The following LUZP1 variants were observed in gnomAD, a reference collection of about 807,000 sequenced individuals.
LUZP1 encodes the protein leucine zipper protein 1.
LUZP1 carries 25 observed loss-of-function variants against 71.3 expected under a neutral mutation model. The observed-to-expected ratio is 0.35, with a 90% CI of 0.26 to 0.49. The LOEUF is 0.49. LUZP1 is among the 20% of genes least tolerant of loss of function. LUZP1 has a pLI of 0.99. For missense variants in LUZP1, 1,142 were observed against 1,300.8 expected (o/e 0.88, Z 1.88); for synonymous variants, 481 against 506.4 (o/e 0.95, Z 0.67).
At chr1:23,131,020 C>G (rs1412542610) in intron 2 of LUZP1, among the ~76,000 whole-genome samples, 1 of 151,800 alleles carries the variant, frequency 6.6e-6, no homozygotes, top group Non-Finnish European at 1.5e-5. Flanking sequence ...GAGTTTGAGG[C>G]CAGCCTGGGC....
chr1:23,121,055 G>A (rs1644125780), intron 2 of LUZP1, among the ~76,000 whole-genome samples: 1 of 152,022 alleles, frequency 6.6e-6, no homozygotes, highest in Non-Finnish European at 1.5e-5. Flanking sequence ...ACCAGCCCAG[G>A]GAGAAAAATC....
rs1225155907 is a variant in LUZP1, at chr1:23,139,019, AATATATAT to A, written c.-226+29739_-226+29746del. On this transcript the variant is annotated intron_variant, in intron 2 of 4. Coordinates refer to ENST00000302291, the Ensembl canonical transcript of LUZP1. ...TCTCAAAAAAAAAAAAAAAAAAAAA[AATATATAT>A]ATATATATATATATATATACACACA... Among the ~76,000 whole-genome samples the A allele has an allele frequency of 9.0e-3, 539 of 59,920 alleles. 7 individuals carry two copies. The highest frequency in any genetic ancestry group is 0.019 in the East Asian group (46 of 2,466). The allele number at this position is 59,920 out of a possible 152,430, so 39.3% of individuals were successfully genotyped here.
intron 2 of LUZP1, among the ~76,000 whole-genome samples, chr1:23,130,087 T>C (rs1368685279): frequency 2.0e-5 from 3 of 152,186 alleles, no homozygotes; most frequent in African/African-American, 7.2e-5. Flanking sequence ...GATCCACTCA[T>C]TTCCTGAAGA....
intron 1 of LUZP1, among the ~76,000 whole-genome samples, chr1:23,171,186 A>C (rs1004187038): frequency 2.0e-5 from 3 of 151,712 alleles, no homozygotes; most frequent in Non-Finnish European, 2.9e-5. Flanking sequence ...TCTAGTTATT[A>C]ACACCACACA....
intron 2 of LUZP1, among the ~76,000 whole-genome samples, chr1:23,110,174 T>G (rs1251634511): frequency 6.6e-6 from 1 of 152,174 alleles, no homozygotes; most frequent in African/African-American, 2.4e-5. Context: ...CTCATTTTGT[T>G]GCCCTCTAGA....
intron 3 of LUZP1, among the ~76,000 whole-genome samples, chr1:23,099,399 G>C (rs914496007): frequency 1.3e-5 from 2 of 152,178 alleles, no homozygotes; most frequent in African/African-American, 4.8e-5. Flanking sequence ...TCATAAATAT[G>C]CTTAAACCAT....
At chr1:23,163,538 A>G (rs1644486264) in intron 2 of LUZP1, among the ~76,000 whole-genome samples, 1 of 144,896 alleles carries the variant, frequency 6.9e-6, no homozygotes, top group Non-Finnish European at 1.5e-5. Context: ...CGAGAGAAAG[A>G]GTGAGATCCC....
intron 2 of LUZP1, among the ~76,000 whole-genome samples, chr1:23,152,580 G>A (rs1481672908): frequency 6.6e-6 from 1 of 152,002 alleles, no homozygotes; most frequent in African/African-American, 2.4e-5. Flanking sequence ...GCCCAGGCTG[G>A]AGTGGAGTGA....
At chr1:23,172,156 T>C (rs1644556293) in intron 1 of LUZP1, among the ~76,000 whole-genome samples, 1 of 152,196 alleles carries the variant, frequency 6.6e-6, no homozygotes, top group Admixed American at 6.5e-5. Flanking sequence ...TTGCTGTTAC[T>C]ATTTGAACAT....
chr1:23,158,936 CAA>C (rs1165897572), intron 2 of LUZP1, among the ~76,000 whole-genome samples: 24 of 56,174 alleles, frequency 4.3e-4, no homozygotes, highest in Admixed American at 5.8e-4. Context: ...GACTCCATCT[CAA>C]AAAAAAAAAA....
chr1:23,173,312 T>C (rs572053665), intron 1 of LUZP1, among the ~76,000 whole-genome samples: 1 of 151,300 alleles, frequency 6.6e-6, no homozygotes, highest in East Asian at 1.9e-4. Flanking sequence ...TTTTCTTTTT[T>C]TTTTGCTTTG....
At chr1:23,114,404 C>T (rs1284538328) in intron 2 of LUZP1, among the ~76,000 whole-genome samples, 1 of 152,064 alleles carries the variant, frequency 6.6e-6, no homozygotes, top group African/African-American at 2.4e-5. Flanking sequence ...GTAAACAGGC[C>T]GATGGCAGGA....
chr1:23,165,384 A>G (rs1644501727), intron 2 of LUZP1, among the ~76,000 whole-genome samples: 1 of 148,920 alleles, frequency 6.7e-6, no homozygotes, highest in South Asian at 2.1e-4. Flanking sequence ...TAAAGAATGC[A>G]TTCCGGGCAG....
intron 2 of LUZP1, among the ~76,000 whole-genome samples, chr1:23,143,101 T>G (rs528956879): frequency 2.8e-4 from 43 of 152,182 alleles, no homozygotes; most frequent in African/African-American, 1.0e-3. Flanking sequence ...CTCCATCTCC[T>G]GGGTTCGAGC....
intron 2 of LUZP1, among the ~76,000 whole-genome samples, chr1:23,117,981 T>G (rs1253793809): frequency 6.6e-6 from 1 of 151,986 alleles, no homozygotes; most frequent in Non-Finnish European, 1.5e-5. Context: ...TCCCAGCTAA[T>G]CAGGAGGCTG....
intron 2 of LUZP1, chr1:23,140,179 C>T (rs1644291458): frequency 1.3e-5 from 2 of 152,042 alleles, no homozygotes; most frequent in South Asian, 4.1e-4. Context: ...AAGGGCCTGG[C>T]TATTCTTCTC....
At chr1:23,154,610 T>A (rs1271876859) in intron 2 of LUZP1, among the ~76,000 whole-genome samples, 1 of 151,886 alleles carries the variant, frequency 6.6e-6, no homozygotes, top group African/African-American at 2.4e-5. Flanking sequence ...TGGCATGATC[T>A]CGGCTCACTG....
At chr1:23,155,860 C>T (rs1357993090) in intron 2 of LUZP1, among the ~76,000 whole-genome samples, 1 of 152,042 alleles carries the variant, frequency 6.6e-6, no homozygotes, top group Non-Finnish European at 1.5e-5. Context: ...CTAAAATGGC[C>T]TAAATCAGAT....
At chr1:23,157,456 C>T (rs934033302) in intron 2 of LUZP1, among the ~76,000 whole-genome samples, 14 of 152,094 alleles carry the variant, frequency 9.2e-5, no homozygotes, top group African/African-American at 3.1e-4. Context: ...GCAGGAGGAT[C>T]GTTTGAGGCC....
Sources: allele counts gnomAD v4.1 joint callset (sites outside exome capture counted in the v4.1 genomes callset), GRCh38; gene constraint gnomAD v4.1.1; transcripts MANE v1.5; gene names NCBI Gene and HGNC (gene_info 2026-07-23, HGNC 2026-07-21).